Variants in SLC35F3 observed in about 807,000 individuals in gnomAD.
The protein encoded by SLC35F3 is solute carrier family 35 member F3.
SLC35F3 carries 25 observed loss-of-function variants against 49.9 expected under a neutral mutation model. The observed-to-expected ratio is 0.50, with a 90% CI of 0.37 to 0.70. The LOEUF (loss-of-function observed/expected upper bound fraction) is 0.70. SLC35F3 is among the 30% of genes least tolerant of loss of function. The pLI is 0.00. For synonymous variants in SLC35F3, 275 were observed against 265.4 expected (o/e 1.04, Z -0.35); for missense variants, 525 against 639.8 (o/e 0.82, Z 1.94).
At chr1:234,047,396 C>A (rs1664307165) in intron 2 of SLC35F3, among the ~76,000 whole-genome samples, 1 of 152,072 alleles carries the variant, frequency 6.6e-6, no homozygotes, top group South Asian at 2.1e-4. Context: ...TGGGTGGACC[C>A]CATGCAATCA....
chr1:234,129,891 G>C (rs1665709289), intron 2 of SLC35F3, among the ~76,000 whole-genome samples: 1 of 152,100 alleles, frequency 6.6e-6, no homozygotes. Flanking sequence ...ACCTACACCT[G>C]ACCATAAACA....
At chr1:233,940,493 C>T (rs1182489049) in intron 2 of SLC35F3, among the ~76,000 whole-genome samples, 3 of 152,070 alleles carry the variant, frequency 2.0e-5, no homozygotes, top group Non-Finnish European at 4.4e-5. Context: ...CCTAACTCTG[C>T]GCAAAGTATG....
At chr1:234,112,704 C>T (rs112608462) in intron 2 of SLC35F3, among the ~76,000 whole-genome samples, 26,019 of 141,902 alleles carry the variant, frequency 0.18, 3,199 homozygotes, top group Non-Finnish European at 0.27. Context: ...TACAGGCGTC[C>T]GCCACCATGC....
intron 3 of SLC35F3, among the ~76,000 whole-genome samples, chr1:234,236,603 G>A (rs919698067): frequency 2.0e-5 from 3 of 152,136 alleles, no homozygotes; most frequent in Non-Finnish European, 4.4e-5. Flanking sequence ...GATGTAGGAT[G>A]TAATTGGGGT....
At chr1:234,118,343 G>A (rs549413120) in intron 2 of SLC35F3, among the ~76,000 whole-genome samples, 4 of 152,102 alleles carry the variant, frequency 2.6e-5, no homozygotes, top group Non-Finnish European at 4.4e-5. Flanking sequence ...AGTTTGTATC[G>A]TCGGATTTCC....
intron 3 of SLC35F3, among the ~76,000 whole-genome samples, chr1:234,297,072 T>G (rs982302303): frequency 6.6e-6 from 1 of 152,156 alleles, no homozygotes; most frequent in Non-Finnish European, 1.5e-5. Flanking sequence ...TCACTAATCA[T>G]TAGTGAAATG....
At chr1:234,077,412 T>C (rs1401551340) in intron 2 of SLC35F3, among the ~76,000 whole-genome samples, 1 of 152,186 alleles carries the variant, frequency 6.6e-6, no homozygotes, top group African/African-American at 2.4e-5. Flanking sequence ...TTCACAAGGC[T>C]GCAGGAAGGA....
intron 2 of SLC35F3, among the ~76,000 whole-genome samples, chr1:234,037,615 A>T (rs1664162824): frequency 6.6e-6 from 1 of 152,352 alleles, no homozygotes; most frequent in East Asian, 1.9e-4. Flanking sequence ...ATAGAACGTC[A>T]GGTAGGTATG....
chr1:234,321,114 A>T (rs1366805497), intron 7 of SLC35F3, among the ~76,000 whole-genome samples: 3 of 149,226 alleles, frequency 2.0e-5, no homozygotes, highest in African/African-American at 4.9e-5. Flanking sequence ...AGGCACCCCA[A>T]TTTCCCAAGC....
chr1:233,983,047 C>T lies in SLC35F3; in HGVS notation c.283+77289C>T, dbSNP rs1000130701. The stretch of plus-strand genomic sequence containing the variant: ...GGAGCGCAGTTCCTGTAGCTCTCCA[C>T]GTGGCTGCACGTCATCCCCCTGCTC... On this transcript the variant is annotated intron_variant, in intron 2 of 7. Transcript: ENST00000366618. Among the ~76,000 whole-genome samples, 16 of 152,296 alleles carry T rather than the reference C, an allele frequency of 1.1e-4. No individual in the cohort carries two copies. The East Asian group carries it at 1.5e-3, about 15-fold the overall frequency.
chr1:234,057,004 A>G (rs551176494), intron 2 of SLC35F3, among the ~76,000 whole-genome samples: 5 of 152,132 alleles, frequency 3.3e-5, no homozygotes, highest in African/African-American at 7.2e-5. Context: ...TCTCAACTCT[A>G]TTTTCTTGAT....
At chr1:233,974,545 C>G (rs1663047922) in intron 2 of SLC35F3, among the ~76,000 whole-genome samples, 1 of 152,140 alleles carries the variant, frequency 6.6e-6, no homozygotes. Context: ...TGTTCTTCCT[C>G]CTTGAGCAAA....
At chr1:233,968,677 G>A (rs1000022366) in intron 2 of SLC35F3, among the ~76,000 whole-genome samples, 12 of 151,960 alleles carry the variant, frequency 7.9e-5, no homozygotes, top group Middle Eastern at 3.4e-3. Context: ...TAAACACGGG[G>A]TTTCACCATC....
chr1:234,231,830 T>C lies in SLC35F3; in HGVS notation c.608+89T>C. On this transcript the variant is annotated intron_variant, in intron 3 of 7. Coordinates refer to ENST00000366618, the MANE Select transcript of SLC35F3 (RefSeq NM_173508.4). This position sits in a 1 kb window ranked among gnomAD's most constrained non-coding sequence, Gnocchi z 5.4. Reference sequence around the variant, plus strand: ...CAGAGCTGCCCCTGGTGGCAGGCGCTGGGATGAGCCGGTGGGAGCCCGTGG... The same window carrying C: ...CAGAGCTGCCCCTGGTGGCAGGCGCCGGGATGAGCCGGTGGGAGCCCGTGG... 7.7e-7 allele frequency: 1 copy of C among 1,300,502 alleles called. No individual in the cohort carries two copies. The highest frequency in any genetic ancestry group is 1.1e-6 in the Non-Finnish European group (1 of 932,210). 80.6% of individuals were successfully genotyped at this position (1,300,502 alleles called of 1,614,324 possible).
At chr1:234,148,730 T>C (rs2102907395) in intron 2 of SLC35F3, among the ~76,000 whole-genome samples, 1 of 152,350 alleles carries the variant, frequency 6.6e-6, no homozygotes, top group Non-Finnish European at 1.5e-5. Flanking sequence ...TTATAAATTA[T>C]CTAAGCAGGT....
intron 2 of SLC35F3, among the ~76,000 whole-genome samples, chr1:234,185,066 T>C (rs1478851879): frequency 1.3e-5 from 2 of 152,166 alleles, no homozygotes; most frequent in African/African-American, 4.8e-5. Flanking sequence ...ATAATCATAA[T>C]GTTATGAATC....
Position 234,143,278 on chromosome 1 carries a change from CTTTTCTTTTCTTTT to C in SLC35F3, c.284-88134_284-88121del, listed in dbSNP as rs1391521115. On this transcript the variant is annotated intron_variant, in intron 2 of 7. Coordinates refer to ENST00000366618, the MANE Select transcript of SLC35F3 (RefSeq NM_173508.4). ...CTGCTTCTATGAGTTTGACTCTTTTCTTTTCTTTTCTTTTTTTTTTTTTTTTTGAGATAAAGGCT... is the reference window on the plus strand; with the variant it reads ...CTGCTTCTATGAGTTTGACTCTTTTCTTTTTTTTTTTTTGAGATAAAGGCT... 4.8e-4 allele frequency among the ~76,000 whole-genome samples: 61 copies of C among 127,492 alleles called. 1 individual carries two copies. The highest frequency in any genetic ancestry group is 1.9e-3 in the African/African-American group (59 of 31,022). 83.6% of individuals were successfully genotyped at this position (127,492 alleles called of 152,430 possible).
At chr1:234,110,937 T>C (rs2102887738) in intron 2 of SLC35F3, among the ~76,000 whole-genome samples, 1 of 152,290 alleles carries the variant, frequency 6.6e-6, no homozygotes, top group East Asian at 1.9e-4. Context: ...TAAAACAAAA[T>C]TTTAAAAGAT....
At chr1:234,271,981 C>A (rs1357330581) in intron 3 of SLC35F3, among the ~76,000 whole-genome samples, 1 of 152,072 alleles carries the variant, frequency 6.6e-6, no homozygotes, top group East Asian at 1.9e-4. Flanking sequence ...CAAAAATTAG[C>A]CAGGCATGGT....
Sources: gnomAD v4.1 joint callset for allele counts (sites outside exome capture counted in the v4.1 genomes callset) on GRCh38, gnomAD v4.1.1 for gene constraint, Gnocchi (gnomAD v3.1) non-coding constraint, MANE v1.5 for transcripts, NCBI Gene and HGNC (gene_info 2026-07-23, HGNC 2026-07-21) for gene names.